Variants in POLM observed in about 807,000 individuals in gnomAD.
The protein encoded by POLM is DNA polymerase mu, also known as DNA-directed DNA/RNA polymerase mu.
In POLM, 52 loss-of-function variants were observed where a neutral mutation model predicts 56.7. The ratio of observed to expected loss-of-function variants is 0.92; its 90% confidence interval spans 0.73 to 1.15. POLM has a LOEUF of 1.15. Ranked by LOEUF, POLM falls within the 50% of genes most tolerant of loss-of-function variation. The pLI, the probability that POLM is intolerant of heterozygous loss-of-function variation, is 0.00. For synonymous variants in POLM, 273 were observed against 274.3 expected (o/e 1.00, Z 0.05); for missense variants, 660 against 663.6 (o/e 0.99, Z 0.06).
In POLM at chr7:44,073,170, AG is replaced by A. The variant is rs1562665653; in HGVS notation, c.*120del. On this transcript the variant is annotated 3_prime_UTR_variant, in exon 11 of 11. Coordinates refer to ENST00000242248, the MANE Select transcript of POLM (RefSeq NM_013284.4). ...GGCACAATTGACCTCCGGAAGAGCC[AG>A]GCCTTGGCGGGGAGGGGTGAAGGTG... The A allele has an allele frequency of 6.4e-7, 1 of 1,568,618 alleles. No individual in the cohort carries two copies. Among genetic ancestry groups the A allele is most frequent in the Non-Finnish European group, 8.6e-7 (1 of 1,156,830 alleles).
At chr7:44,082,041 G>T (rs2096201598) in intron 1 of POLM, among the ~76,000 whole-genome samples, 1 of 152,142 alleles carries the variant, frequency 6.6e-6, no homozygotes, top group African/African-American at 2.4e-5. Flanking sequence ...CACCGCGCCC[G>T]GCCTACTGCT....
In POLM at chr7:44,082,510, G is replaced by A. The variant is rs2096203391; in HGVS notation, c.-72C>T. The stretch of plus-strand genomic sequence containing the variant: ...CCGAGCGAGACGGAAGGAAGCCCCA[G>A]TGAGGCTGACGGAAGCGGGTGGGCG... On this transcript the variant is annotated 5_prime_UTR_variant, in exon 1 of 11. Transcript: ENST00000242248. The A allele has an allele frequency of 2.6e-6, 2 of 779,368 alleles. No homozygotes were observed. Among genetic ancestry groups the A allele is most frequent in the Admixed American group, 4.4e-5 (1 of 22,960 alleles). 48.3% of individuals were successfully genotyped at this position (779,368 alleles called of 1,614,324 possible).
intron 4 of POLM, among the ~76,000 whole-genome samples, 156 bp downstream of exon 4, chr7:44,079,415 A>C (rs1488506805): frequency 6.6e-6 from 1 of 152,116 alleles, no homozygotes; most frequent in Non-Finnish European, 1.5e-5. Flanking sequence ...CACAGGAGGA[A>C]TCTGAGCGCA....
Position 44,081,034 on chromosome 7 carries a change from A to T in POLM, c.189-118T>A, listed in dbSNP as rs992589593. 23 of 800,218 alleles carry T rather than the reference A, an allele frequency of 2.9e-5. No individual in the cohort carries two copies. In the African/African-American group the frequency reaches 3.9e-4, roughly 13 times the overall value. The allele number at this position is 800,218 out of a possible 1,614,324, so 49.6% of individuals were successfully genotyped here. A position where few individuals can be genotyped will look rare whatever the true frequency, so the allele number is the denominator to read the frequency against. On this transcript the variant is annotated intron_variant, in intron 1 of 10. Coordinates refer to ENST00000242248, the MANE Select transcript of POLM (RefSeq NM_013284.4). ...TGGTAAGTGACCATTCATCCTGCAA[A>T]CGTCACCTCCTCCAGAAAGCCTTCC...
Position 44,080,872 on chromosome 7 carries a change from T to C in POLM, c.233A>G (p.Glu78Gly). Reference protein sequence around the residue: ...HVVMEETSAEEAVSWQERRMA... With the variant: ...HVVMEETSAEGAVSWQERRMA... Reference sequence around the variant, plus strand: ...CCTGCGCTCCTGCCAGCTGACGGCCTCCTCTGCTGAGGTCTCTTCCATCAC... The same window carrying C: ...CCTGCGCTCCTGCCAGCTGACGGCCCCCTCTGCTGAGGTCTCTTCCATCAC... The change falls in exon 2 of 11, where the codon GAG (glutamate) becomes GGG (glycine). Residue 78 changes from glutamate (E) to glycine (G), a missense_variant. Transcript: ENST00000242248. The C allele has an allele frequency of 6.2e-7, 1 of 1,602,898 alleles. No individual in the cohort carries two copies. Among genetic ancestry groups the C allele is most frequent in the African/African-American group, 1.3e-5 (1 of 74,770 alleles).
intron 10 of POLM, 44 bp downstream of exon 10, chr7:44,073,581 G>C (rs375069824): frequency 1.2e-5 from 19 of 1,608,642 alleles, no homozygotes; most frequent in African/African-American, 2.7e-5. Context: ...GTCAGGGAGC[G>C]GACTATGGGT....
Position 44,073,980 on chromosome 7 carries a change from G to A in POLM, c.1117C>T (p.Pro373Ser), listed in dbSNP as rs775733777. 3 of 1,614,226 alleles carry A rather than the reference G, an allele frequency of 1.9e-6. No individual in the cohort carries two copies. The highest frequency in any genetic ancestry group is 2.5e-6 in the Non-Finnish European group (3 of 1,180,046). The change falls in exon 9 of 11, where the codon CCT becomes TCT. Residue 373 changes from proline to serine, a missense_variant. Transcript: ENST00000242248. ...TGGCTCTGTTGGGCCAGGCGGGTAG[G>A]GGACTCACAGCAGCTGTGCTGGTGC... Reference protein sequence around the residue: ...HQHQHSCCESPTRLAQQSHMD... With the variant: ...HQHQHSCCESSTRLAQQSHMD...
chr7:44,073,951 C>T lies in POLM; in HGVS notation c.1146G>A (p.Met382Ile), dbSNP rs1005067295. The T allele has an allele frequency of 2.5e-6, 4 of 1,614,232 alleles. No homozygotes were observed. The South Asian group carries it at 4.4e-5, about 18-fold the overall frequency. The change falls in exon 9 of 11, where the codon ATG (methionine) becomes ATA (isoleucine). Residue 382 changes from methionine (M) to isoleucine (I), a missense_variant. Coordinates refer to ENST00000242248, the MANE Select transcript of POLM (RefSeq NM_013284.4). ...SPTRLAQQSH[M>I]DAFERSFCIF... ...TGCAGAAACTTCTCTCAAAAGCGTCCATGTGGCTCTGTTGGGCCAGGCGGG... is the reference window on the plus strand; with the variant it reads ...TGCAGAAACTTCTCTCAAAAGCGTCTATGTGGCTCTGTTGGGCCAGGCGGG...
chr7:44,076,380 A>G, intron 6 of POLM, 129 bp downstream of exon 6: 1 of 1,163,776 alleles, frequency 8.6e-7, no homozygotes, highest in South Asian at 1.4e-5. Context: ...GACCCCAGGA[A>G]GCCCACCACA....
rs2128798969 is a variant in POLM at position 44,072,655 on chromosome 7, T to G, written c.*636A>C. ...ATGACCTATTTTTGAGACATTGTGC[T>G]GAGAACAGGCCTTAAAGGCAGAAGC... is the stretch of plus-strand genomic sequence containing the variant. On this transcript the variant is annotated 3_prime_UTR_variant, in exon 11 of 11. Transcript: ENST00000242248. The G allele has an allele frequency of 6.3e-6, 1 of 159,882 alleles. No homozygotes were observed. Among genetic ancestry groups the G allele is most frequent in the East Asian group, 1.8e-4 (1 of 5,452 alleles). 9.9% of individuals were successfully genotyped at this position (159,882 alleles called of 1,614,324 possible).
intron 4 of POLM, 41 bp from the exon 5 acceptor site, chr7:44,078,852 T>G (rs753505750): frequency 6.4e-7 from 1 of 1,568,396 alleles, no homozygotes; most frequent in Non-Finnish European, 8.7e-7. Flanking sequence ...CCTGAGGGCG[T>G]GGGAAGAAAG....
chr7:44,077,964 A>G (rs904854976), intron 5 of POLM, among the ~76,000 whole-genome samples: 3 of 152,210 alleles, frequency 2.0e-5, no homozygotes, highest in Admixed American at 6.5e-5. Context: ...GCATTTCCCT[A>G]TCAGACCAGG....
chr7:44,082,317 C>T lies in POLM; in HGVS notation c.122G>A (p.Arg41His), dbSNP rs750352242. 1.2e-5 allele frequency: 18 copies of T among 1,556,754 alleles called. No homozygotes were observed. The South Asian group carries it at 1.5e-4, about 13-fold the overall frequency. Reference protein sequence around the residue: ...AIYLVEPRMGRSRRAFLTGLA... With the variant: ...AIYLVEPRMGHSRRAFLTGLA... ...GCCTGTGAGGAAGGCCCGGCGGCTG[C>T]GACCCATGCGAGGCTCGACCAGGTA... The change falls in exon 1 of 11, where the codon CGC (arginine) becomes CAC (histidine). Residue 41 changes from arginine (R) to histidine (H), a missense_variant. Coordinates refer to ENST00000242248, the MANE Select transcript of POLM (RefSeq NM_013284.4).
In POLM at chr7:44,074,025, C is replaced by G; in HGVS notation, c.1072G>C (p.Gly358Arg). The G allele has an allele frequency of 6.2e-7, 1 of 1,613,524 alleles. No homozygotes were observed. The highest frequency in any genetic ancestry group is 8.5e-7 in the Non-Finnish European group (1 of 1,179,956). ...TGGTGCTGGTGGTACAGGATGAGGC[C>G]CTGTGGGGAGAGGCGGGCGTGGCTG... The part of the protein sequence containing the change: ...PRVMCRLQDQ[G>R]LILYHQHQHS... Residue 358 changes from glycine (G) to arginine (R), a missense_variant and splice_region_variant, in exon 9 of 11, where the codon GGC (glycine) becomes CGC (arginine). Coordinates refer to ENST00000242248, the MANE Select transcript of POLM (RefSeq NM_013284.4).
In POLM at chr7:44,080,816, G is replaced by C. The variant is rs768322694; in HGVS notation, c.289C>G (p.Pro97Ala). ...AACCAGCTTATGTCCAGCAGAGCTG[G>C]GGGGGTGCAACCCGGGGGAGCAGCT... ...MAAAPPGCTP[P>A]ALLDISWLTE... Residue 97 changes from proline to alanine, a missense_variant, in exon 2 of 11, where the codon CCA becomes GCA. Physicochemically the swap from Pro to Ala is conservative, Grantham distance 27 (BLOSUM62 -1). Coordinates refer to ENST00000242248, the MANE Select transcript of POLM (RefSeq NM_013284.4). 2.2e-5 allele frequency: 36 copies of C among 1,613,748 alleles called. No individual in the cohort carries two copies. Among genetic ancestry groups the C allele is most frequent in the Non-Finnish European group, 2.8e-5 (33 of 1,179,860 alleles).
chr7:44,074,484 A>C lies in POLM; in HGVS notation c.882T>G (p.Asp294Glu), dbSNP rs747351099. 2.5e-6 allele frequency: 4 copies of C among 1,597,980 alleles called. No individual in the cohort carries two copies. In the African/African-American group the frequency reaches 5.4e-5, roughly 21 times the overall value. ...CCACCACCTGCTGCAGGGCATCTAC[A>C]TCGGACCGCAGGACTGGGGTGCTCA... Reference protein sequence around the residue: ...QDLSTPVLRSDVDALQQVVEE... With the variant: ...QDLSTPVLRSEVDALQQVVEE... The change falls in exon 7 of 11, where the codon GAT becomes GAG. Residue 294 changes from aspartate (D) to glutamate (E), a missense_variant. Coordinates refer to ENST00000242248, the MANE Select transcript of POLM (RefSeq NM_013284.4).
chr7:44,074,235 T>G lies in POLM; in HGVS notation c.969-2A>C, dbSNP rs760320482. The G allele has an allele frequency of 3.8e-5, 60 of 1,571,582 alleles. No homozygotes were observed. Among genetic ancestry groups the G allele is most frequent in the Admixed American group, 1.3e-4 (7 of 53,062 alleles). ...ACGTCATGGCCCTGCAACTTCCCCC[T>G]GAGGGCGTCAGTCTGACTCTGACTC... On this transcript the variant is annotated splice_acceptor_variant, in intron 7 of 10. Transcript: ENST00000242248. LOFTEE classifies it high-confidence loss of function.
rs200567485 is a variant in POLM, at chr7:44,074,040, G to A, written c.1072-15C>T. On this transcript the variant is annotated splice_polypyrimidine_tract_variant and intron_variant, in intron 8 of 10. Coordinates refer to ENST00000242248, the MANE Select transcript of POLM (RefSeq NM_013284.4). ...AGGATGAGGCCCTGTGGGGAGAGGC[G>A]GGCGTGGCTGAGACCATCCGGTGGT... is the stretch of plus-strand genomic sequence containing the variant. 6.1e-4 allele frequency: 989 copies of A among 1,611,748 alleles called. 1 individual carries two copies. Among genetic ancestry groups the A allele is most frequent in the Non-Finnish European group, 8.1e-4 (955 of 1,179,846 alleles).
chr7:44,080,541 G>A lies in POLM; in HGVS notation c.372+192C>T. ...GTGAGAACAGAAGCTGAGATGGCCT[G>A]GCCCCCTCAGCCCCTTCTGTGGTTC... On this transcript the variant is annotated intron_variant, in intron 2 of 10. Coordinates refer to ENST00000242248, the MANE Select transcript of POLM (RefSeq NM_013284.4). 4.2e-6 allele frequency: 3 copies of A among 706,476 alleles called. No homozygotes were observed. The South Asian group carries it at 4.5e-5, about 11-fold the overall frequency. 43.8% of individuals were successfully genotyped at this position (706,476 alleles called of 1,614,324 possible). A position where few individuals can be genotyped will look rare whatever the true frequency, so the allele number is the denominator to read the frequency against.
Sources: allele counts gnomAD v4.1 joint callset (sites outside exome capture counted in the v4.1 genomes callset), GRCh38; gene constraint gnomAD v4.1.1; transcripts MANE v1.5; gene names NCBI Gene and HGNC (gene_info 2026-07-23, HGNC 2026-07-21).